The following HTT variants were observed in gnomAD, a reference collection of about 807,000 sequenced individuals.
HTT encodes the protein huntingtin, also known as huntington disease protein.
A neutral mutation model predicts 362.3 loss-of-function variants in HTT; 104 were observed. The ratio of observed to expected loss-of-function variants is 0.29; its 90% CI spans 0.24 to 0.34. HTT has a LOEUF of 0.34. Among genes scored for constraint, HTT ranks in the 10% least tolerant of loss-of-function variants. The pLI, the probability that HTT is intolerant of heterozygous loss-of-function variation, is 1.00. For synonymous variants in HTT, 1,577 were observed against 1,548.7 expected (o/e 1.02, Z -0.43); for missense variants, 3,301 against 3,928.6 (o/e 0.84, Z 4.27).
chr4:3,122,928 A>G lies in HTT; in HGVS notation c.1313A>G (p.Lys438Arg). The stretch of plus-strand genomic sequence containing the variant: ...TCATGCAGCCCTGTCCTTTCAAGAA[A>G]ACAAAAAGGTGATTATTTCAGAAAT... ...GSSCSPVLSR[K>R]QKGKVLLGEE... Residue 438 changes from lysine (K) to arginine (R), a missense_variant, in exon 10 of 67, where the codon AAA becomes AGA. Around this residue, in one of 4 missense-constraint regions of HTT, gnomAD observed 2,316 missense variants for 2,658.5 expected, o/e 0.87. Transcript: ENST00000355072. The G allele has an allele frequency of 6.2e-7, 1 of 1,611,078 alleles. No homozygotes were observed. The highest frequency in any genetic ancestry group is 8.5e-7 in the Non-Finnish European group (1 of 1,178,360).
Position 3,145,298 on chromosome 4 carries a change from G to A in HTT, c.3143+70G>A, listed in dbSNP as rs541066764. On this transcript the variant is annotated intron_variant, in intron 24 of 66. Transcript: ENST00000355072. ...ATGACATAAACATAGTTATTAGGAT[G>A]CCCTTTTTCTTTCTTTTTAAGTCTT... 18 of 1,082,360 alleles carry A rather than the reference G, an allele frequency of 1.7e-5. No homozygotes were observed. In the African/African-American group the frequency reaches 1.9e-4, roughly 11 times the overall value. 67.0% of individuals were successfully genotyped at this position (1,082,360 alleles called of 1,614,324 possible). A position where few individuals can be genotyped will look rare whatever the true frequency, so the allele number is the denominator to read the frequency against.
Position 3,153,947 on chromosome 4 carries a change from C to T in HTT, c.3499-346C>T, listed in dbSNP as rs75424026. On this transcript the variant is annotated intron_variant, in intron 26 of 66. Transcript: ENST00000355072. ...AAAAAAAAAATGCTGCTTTGTACCC[C>T]TTTCATGTCATGGCGTCATGGCCAA... 2.0e-5 allele frequency among the ~76,000 whole-genome samples: 3 copies of T among 152,230 alleles called. 1 individual carries two copies. The highest frequency in any genetic ancestry group is 7.2e-5 in the African/African-American group (3 of 41,526).
intron 21 of HTT, among the ~76,000 whole-genome samples, chr4:3,137,752 T>C (rs1716137480): frequency 1.3e-5 from 2 of 152,230 alleles, no homozygotes; most frequent in Admixed American, 1.3e-4. Context: ...GGTCATAGTA[T>C]AGATGGACTT....
chr4:3,143,120 T>C, intron 23 of HTT, among the ~76,000 whole-genome samples: 1 of 152,188 alleles, frequency 6.6e-6, no homozygotes, highest in Admixed American at 6.5e-5. Flanking sequence ...AATAAAAAAA[T>C]TCAGCCAATT....
intron 2 of HTT, among the ~76,000 whole-genome samples, chr4:3,091,874 A>G (rs1367032335): frequency 1.3e-5 from 2 of 152,214 alleles, no homozygotes; most frequent in African/African-American, 4.8e-5. Flanking sequence ...TTAGATTATT[A>G]TATGTCTGAC....
Position 3,233,369 on chromosome 4 carries a change from G to A in HTT, c.8456+16G>A. The A allele has an allele frequency of 1.3e-6, 2 of 1,582,404 alleles. No individual in the cohort carries two copies. The highest frequency in any genetic ancestry group is 1.7e-5 in the Admixed American group (1 of 59,440). On this transcript the variant is annotated intron_variant, in intron 61 of 66. Transcript: ENST00000355072. ...GGATCGCCCAGTGAGTGGGAGCCTG[G>A]CTGGGGCTGGGGCGGGGGTCTCAGA...
At chr4:3,222,038 G>C (rs917584513) in intron 53 of HTT, among the ~76,000 whole-genome samples, 1 of 152,234 alleles carries the variant, frequency 6.6e-6, no homozygotes, top group African/African-American at 2.4e-5. Flanking sequence ...AGTGAGTGGG[G>C]CAGAAGTGGC....
At chr4:3,223,705 A>T in intron 55 of HTT, 145 bp downstream of exon 55, 1 of 806,148 alleles carries the variant, frequency 1.2e-6, no homozygotes, top group Non-Finnish European at 2.0e-6. Flanking sequence ...TGTGCAGGAG[A>T]TGCAGACCCA....
rs762578142 is a variant in HTT at position 3,174,754 on chromosome 4, G to T, written c.4200G>T (p.Gln1400His). The change falls in exon 32 of 67, where the codon CAG becomes CAT. Residue 1400 changes from glutamine to histidine, a missense_variant. Coordinates refer to ENST00000355072, the MANE Select transcript of HTT (RefSeq NM_001388492.1). ...ATGTCCTCCAGAAAGTGTCTACCCA[G>T]TTGAAGACAAACCTCACGAGTGTCA... ...WFDVLQKVST[Q>H]LKTNLTSVTK... 1.9e-6 allele frequency: 3 copies of T among 1,614,094 alleles called. No individual in the cohort carries two copies. The highest frequency in any genetic ancestry group is 2.7e-5 in the African/African-American group (2 of 75,044).
At chr4:3,199,470 G>A (rs992173416) in intron 40 of HTT, among the ~76,000 whole-genome samples, 2 of 151,848 alleles carry the variant, frequency 1.3e-5, no homozygotes, top group South Asian at 4.1e-4. Flanking sequence ...AAACCGGAAG[G>A]TGGAGTTTGC....
intron 60 of HTT, among the ~76,000 whole-genome samples, chr4:3,232,153 G>T (rs1042389902): frequency 6.6e-6 from 1 of 152,206 alleles, no homozygotes; most frequent in Admixed American, 6.5e-5. Flanking sequence ...GGCGTTGTGC[G>T]TGTGAGGGGA....
At position 3,107,433 on chromosome 4, in the gene HTT, T is replaced by C. The variant is rs753002074; in HGVS notation, c.747+10T>C. 2.5e-6 allele frequency: 4 copies of C among 1,614,072 alleles called. No individual in the cohort carries two copies. Among genetic ancestry groups the C allele is most frequent in the Admixed American group, 3.3e-5 (2 of 60,024 alleles). ...TGACAATGAAATTAAGGTATGATTG[T>C]TGCCTCAGGTCACAAACATGCGAGT... On this transcript the variant is annotated intron_variant, in intron 6 of 66. Coordinates refer to ENST00000355072, the MANE Select transcript of HTT (RefSeq NM_001388492.1).
rs748046438 is a variant in HTT, at chr4:3,228,896, G to A, written c.7996G>A (p.Val2666Ile). ...ATTCCACAGGAAACACCGGGCTGGA[G>A]TTGACATCCACTCCTGTTCGCAGTT... ...PVNSRKHRAG[V>I]DIHSCSQFLL... Residue 2666 changes from valine (V) to isoleucine (I), a missense_variant, in exon 59 of 67, where the codon GTT becomes ATT. This residue lies in a region of HTT where 753 missense variants were observed against 1,021.3 expected (regional missense o/e 0.74). Coordinates refer to ENST00000355072, the MANE Select transcript of HTT (RefSeq NM_001388492.1). This position sits in a 1 kb window ranked among gnomAD's most constrained non-coding sequence, Gnocchi z 4.3. 1.8e-5 allele frequency: 29 copies of A among 1,613,542 alleles called. No homozygotes were observed. Among genetic ancestry groups the A allele is most frequent in the Non-Finnish European group, 2.4e-5 (28 of 1,179,584 alleles).
chr4:3,088,674 C>T (rs1240626930), intron 2 of HTT, among the ~76,000 whole-genome samples: 2 of 152,044 alleles, frequency 1.3e-5, no homozygotes, highest in Non-Finnish European at 2.9e-5. Flanking sequence ...TCCCTTTCTA[C>T]TTTCTGTCTG....
chr4:3,076,527 T>C (rs1450117819), intron 1 of HTT, among the ~76,000 whole-genome samples: 1 of 152,236 alleles, frequency 6.6e-6, no homozygotes, highest in African/African-American at 2.4e-5. Flanking sequence ...GAAAAACTTT[T>C]TGGATATTTG....
At chr4:3,214,405 G>A (rs1245006658) in intron 50 of HTT, among the ~76,000 whole-genome samples, 8 of 152,092 alleles carry the variant, frequency 5.3e-5, no homozygotes, top group African/African-American at 1.9e-4. Flanking sequence ...TAAACTTTAT[G>A]TCTCTGTGAT....
chr4:3,172,359 A>C lies in HTT; in HGVS notation c.3904A>C (p.Ser1302Arg), dbSNP rs772526571. 5 of 1,611,590 alleles carry C rather than the reference A, an allele frequency of 3.1e-6. No individual in the cohort carries two copies. The African/African-American group carries it at 6.7e-5, about 22-fold the overall frequency. ...EILGYLKSCF[S>R]REPMMATVCV... ...CCTAGGATACCTGAAATCCTGCTTT[A>C]GTCGAGAACCAATGATGGCAACTGT... Residue 1302 changes from serine to arginine, a missense_variant, in exon 30 of 67, where the codon AGT (serine) becomes CGT (arginine). Around this residue, in one of 4 missense-constraint regions of HTT, gnomAD observed 2,316 missense variants for 2,658.5 expected, o/e 0.87. Coordinates refer to ENST00000355072, the MANE Select transcript of HTT (RefSeq NM_001388492.1).
intron 64 of HTT, among the ~76,000 whole-genome samples, chr4:3,236,908 G>A (rs1458620855): frequency 1.3e-5 from 2 of 152,136 alleles, no homozygotes; most frequent in African/African-American, 2.4e-5. Flanking sequence ...GGTGGATCTG[G>A]AGCCTTGTTG....
chr4:3,208,719 T>TAAAAAA, intron 45 of HTT, 54 bp from the exon 46 acceptor site: 2 of 1,210,416 alleles, frequency 1.7e-6, no homozygotes, highest in South Asian at 1.6e-5. Flanking sequence ...AGACTAAGAC[T>TAAAAAA]AAAAAAAAAA....
Sources: gnomAD v4.1 joint callset for allele counts (sites outside exome capture counted in the v4.1 genomes callset) on GRCh38, gnomAD v4.1.1 for gene constraint, gnomAD v4.1.1 regional missense constraint, Gnocchi (gnomAD v3.1) non-coding constraint, MANE v1.5 for transcripts, NCBI Gene and HGNC (gene_info 2026-07-23, HGNC 2026-07-21) for gene names.